The following CTIF variants were observed in gnomAD, a reference collection of about 807,000 sequenced individuals.
CTIF encodes cap binding complex dependent translation initiation factor.
A neutral mutation model predicts 66.0 loss-of-function variants in CTIF; 21 were observed. The observed-to-expected ratio is 0.32, with a 90% CI of 0.23 to 0.46. The LOEUF (loss-of-function observed/expected upper bound fraction) is 0.46, where lower values mean the gene tolerates loss of function less well. Among genes scored for constraint, CTIF ranks in the 20% least tolerant of loss-of-function variants. The pLI is 1.00. For synonymous variants in CTIF, 345 were observed against 326.4 expected (o/e 1.06, Z -0.62); for missense variants, 739 against 812.7 (o/e 0.91, Z 1.10).
intron 1 of CTIF, among the ~76,000 whole-genome samples, chr18:48,590,066 T>A (rs968876425): frequency 1.3e-5 from 2 of 152,152 alleles, no homozygotes; most frequent in African/African-American, 2.4e-5. Context: ...CCTCCTGACC[T>A]GTGTCTGGCC....
Position 48,554,947 on chromosome 18 carries a change from G to C in CTIF, c.-29+15635G>C, listed in dbSNP as rs543760042. Among the ~76,000 whole-genome samples, 16 of 152,288 alleles carry C rather than the reference G, an allele frequency of 1.1e-4. No homozygotes were observed. In the South Asian group the frequency reaches 3.1e-3, roughly 30 times the overall value. ...CTGGCTGTGATCTGAGAGGCACACA[G>C]AACGCATATCCCATTCTCCTTCCAG... On this transcript the variant is annotated intron_variant, in intron 1 of 11. Transcript: ENST00000256413.
intron 7 of CTIF, among the ~76,000 whole-genome samples, chr18:48,729,475 C>T (rs1229649907): frequency 3.3e-5 from 5 of 152,188 alleles, no homozygotes; most frequent in Admixed American, 1.3e-4. Flanking sequence ...ATAAAGATGG[C>T]TCCCCCAGCC....
chr18:48,704,489 A>C (rs1033739543), intron 6 of CTIF, among the ~76,000 whole-genome samples: 3 of 152,188 alleles, frequency 2.0e-5, no homozygotes, highest in Non-Finnish European at 4.4e-5. Context: ...CCGCCATAAC[A>C]AAGGACCGCA....
intron 2 of CTIF, among the ~76,000 whole-genome samples, chr18:48,621,846 A>T (rs935827528): frequency 1.3e-5 from 2 of 152,158 alleles, no homozygotes; most frequent in African/African-American, 4.8e-5. Flanking sequence ...ATAAGGTCAA[A>T]ATAGGAGCAT....
chr18:48,716,836 T>A (rs2092286665), intron 7 of CTIF, among the ~76,000 whole-genome samples: 1 of 152,180 alleles, frequency 6.6e-6, no homozygotes, highest in East Asian at 1.9e-4. Context: ...CCAAATTAAT[T>A]TGTTTCATTA....
intron 2 of CTIF, among the ~76,000 whole-genome samples, chr18:48,634,192 T>G (rs2090772098): frequency 6.6e-6 from 1 of 152,116 alleles, no homozygotes; most frequent in African/African-American, 2.4e-5. Flanking sequence ...GTCGAGAGGG[T>G]GCATTTTGTC....
rs769448324 is a variant in CTIF, at chr18:48,761,532, A to G, written c.1214A>G (p.Asn405Ser). ...TFMEEAQNST[N>S]SEEMLGEIVR... ...ATGGAGGAGGCCCAGAACTCCACCA[A>G]CTCCGAGGAGATGCTGGGCGAGATC... The change falls in exon 9 of 12, where the codon AAC (asparagine) becomes AGC (serine). Residue 405 changes from asparagine to serine, a missense_variant. Transcript: ENST00000256413. This position sits in a 1 kb window ranked among gnomAD's most constrained non-coding sequence, Gnocchi z 4.2. The G allele has an allele frequency of 1.2e-6, 2 of 1,614,104 alleles. No individual in the cohort carries two copies. Among genetic ancestry groups the G allele is most frequent in the Non-Finnish European group, 8.5e-7 (1 of 1,180,034 alleles).
At chr18:48,544,999 G>A (rs2088710836) in intron 1 of CTIF, among the ~76,000 whole-genome samples, 1 of 152,196 alleles carries the variant, frequency 6.6e-6, no homozygotes, top group Admixed American at 6.5e-5. Flanking sequence ...ACAGACAAGG[G>A]GCAGCCACCT....
At position 48,862,416 on chromosome 18, in the gene CTIF, C is replaced by T. The variant is rs2069492627; in HGVS notation, c.*2857C>T. 6.5e-6 allele frequency: 1 copy of T among 152,678 alleles called. No homozygotes were observed. The highest frequency in any genetic ancestry group is 1.5e-5 in the Non-Finnish European group (1 of 68,074). 9.5% of individuals were successfully genotyped at this position (152,678 alleles called of 1,614,324 possible). Reference sequence around the variant, plus strand: ...GTTTTTCTCCGAGGCGGCCTGCTTGCCACAGCCCTGCTCCCCAAGGCCTGG... The same window carrying T: ...GTTTTTCTCCGAGGCGGCCTGCTTGTCACAGCCCTGCTCCCCAAGGCCTGG... On this transcript the variant is annotated 3_prime_UTR_variant, in exon 12 of 12. Coordinates refer to ENST00000256413, the MANE Select transcript of CTIF (RefSeq NM_014772.3).
chr18:48,761,636 C>T lies in CTIF; in HGVS notation c.1318C>T (p.Leu440Phe). 6.2e-7 allele frequency: 1 copy of T among 1,614,102 alleles called. No homozygotes were observed. The highest frequency in any genetic ancestry group is 8.5e-7 in the Non-Finnish European group (1 of 1,179,982). ...TAAKLCDKMA[L>F]FMVEGTKFRS... The stretch of plus-strand genomic sequence containing the variant: ...TGCCAAGCTCTGCGACAAGATGGCG[C>T]TCTTTATGGTGGAGGGGACCAAGTT... Residue 440 changes from leucine to phenylalanine, a missense_variant, in exon 9 of 12, where the codon CTC becomes TTC. By Grantham distance (22) the Leu-to-Phe change is conservative. Transcript: ENST00000256413. This position sits in a 1 kb window ranked among gnomAD's most constrained non-coding sequence, Gnocchi z 4.2.
At chr18:48,812,813 C>T (rs2068287485) in intron 9 of CTIF, among the ~76,000 whole-genome samples, 1 of 151,688 alleles carries the variant, frequency 6.6e-6, no homozygotes, top group Non-Finnish European at 1.5e-5. Flanking sequence ...AAAACTGGGG[C>T]AGGGCAAGGG....
In CTIF at chr18:48,817,396, T is replaced by C; in HGVS notation, c.1527+20T>C. ...AGGGAGGTAAGAGACCTGCCGCCTG[T>C]GCCCCCTGCACAGCCAGACAGCACC... On this transcript the variant is annotated intron_variant, in intron 10 of 11. Transcript: ENST00000256413. The C allele has an allele frequency of 6.2e-7, 1 of 1,600,310 alleles. No individual in the cohort carries two copies. The highest frequency in any genetic ancestry group is 8.5e-7 in the Non-Finnish European group (1 of 1,173,060).
intron 1 of CTIF, among the ~76,000 whole-genome samples, chr18:48,598,977 G>C (rs138002944): frequency 6.6e-6 from 1 of 152,314 alleles, no homozygotes; most frequent in African/African-American, 2.4e-5. Context: ...AGTGGTGCAT[G>C]GAGTGATCAA....
intron 1 of CTIF, among the ~76,000 whole-genome samples, chr18:48,592,799 G>T (rs2144000561): frequency 6.6e-6 from 1 of 152,312 alleles, no homozygotes; most frequent in African/African-American, 2.4e-5. Flanking sequence ...CAGCCGGGAA[G>T]AATCCAAGCC....
intron 6 of CTIF, among the ~76,000 whole-genome samples, chr18:48,672,234 C>T (rs1301220520): frequency 6.6e-6 from 1 of 151,628 alleles, no homozygotes; most frequent in East Asian, 2.0e-4. Flanking sequence ...CTGAGTTTTC[C>T]TAGTGTTCTT....
intron 1 of CTIF, among the ~76,000 whole-genome samples, chr18:48,591,195 G>A (rs1281939971): frequency 6.6e-6 from 1 of 152,184 alleles, no homozygotes; most frequent in Non-Finnish European, 1.5e-5. Flanking sequence ...ATCTACTCAG[G>A]AGGCAGTCCG....
intron 2 of CTIF, among the ~76,000 whole-genome samples, chr18:48,622,994 A>G (rs1214813956): frequency 6.6e-6 from 1 of 152,234 alleles, no homozygotes; most frequent in Non-Finnish European, 1.5e-5. Context: ...TGATGGTAGA[A>G]TTTCTGTGCC....
chr18:48,710,688 G>A (rs1233535235), intron 6 of CTIF, among the ~76,000 whole-genome samples: 1 of 152,206 alleles, frequency 6.6e-6, no homozygotes, highest in African/African-American at 2.4e-5. Context: ...CCTTGATGTA[G>A]ATGTAGAAAT....
chr18:48,803,979 G>T (rs1006280624), intron 9 of CTIF, among the ~76,000 whole-genome samples: 6 of 152,174 alleles, frequency 3.9e-5, no homozygotes, highest in Non-Finnish European at 7.4e-5. Context: ...CTGGGGACAG[G>T]CTGTGTCCTA....
Sources: gnomAD v4.1 joint callset for allele counts (sites outside exome capture counted in the v4.1 genomes callset) on GRCh38, gnomAD v4.1.1 for gene constraint, Gnocchi (gnomAD v3.1) non-coding constraint, MANE v1.5 for transcripts, NCBI Gene and HGNC (gene_info 2026-07-23, HGNC 2026-07-21) for gene names.